EPRS1: variants seen among roughly 807,000 people sequenced by gnomAD.
The protein encoded by EPRS1 is bifunctional glutamate/proline--tRNA ligase.
EPRS1 carries 107 observed loss-of-function variants against 188.3 expected under a neutral mutation model. That is an observed-to-expected ratio of 0.57 (90% CI 0.49 to 0.67). EPRS1 has a LOEUF of 0.67. EPRS1 is among the 30% of genes least tolerant of loss of function. The probability of loss-of-function intolerance (pLI) is 0.00; values close to 1 mark genes in which losing one functional copy is unlikely to be tolerated. For missense variants in EPRS1, 1,577 were observed against 1,802.2 expected, an observed-to-expected ratio of 0.88 and a Z score of 2.26; for synonymous variants, 596 against 593.1, an observed-to-expected ratio of 1.00 and a Z score of -0.07.
intron 6 of EPRS1, among the ~76,000 whole-genome samples, chr1:220,028,270 C>A (rs1229905428): frequency 6.6e-6 from 1 of 152,062 alleles, no homozygotes; most frequent in African/African-American, 2.4e-5. Context: ...AGTTAATGTG[C>A]TTGGCTTTAA....
intron 24 of EPRS1, among the ~76,000 whole-genome samples, 195 bp from the exon 25 acceptor site, chr1:219,981,052 A>G (rs1180712723): frequency 6.6e-6 from 1 of 151,984 alleles, no homozygotes; most frequent in Non-Finnish European, 1.5e-5. Flanking sequence ...GTGCACGCCA[A>G]TGCAGCTGGC....
At chr1:220,008,521 A>G (rs1475069363) in intron 13 of EPRS1, among the ~76,000 whole-genome samples, 1 of 152,184 alleles carries the variant, frequency 6.6e-6, no homozygotes, top group Admixed American at 6.5e-5. Flanking sequence ...AACAGATAAC[A>G]TACTAAGCTC....
intron 24 of EPRS1, among the ~76,000 whole-genome samples, chr1:219,981,081 T>C (rs749506327): frequency 6.6e-6 from 1 of 152,006 alleles, no homozygotes. Flanking sequence ...GCATTTTTAG[T>C]AGAGATGTGG....
chr1:219,980,308 G>T, intron 25 of EPRS1, 68 bp from the exon 26 acceptor site: 2 of 1,230,016 alleles, frequency 1.6e-6, no homozygotes, highest in Admixed American at 1.9e-5. Flanking sequence ...CTATAAAACT[G>T]CACTACTTAA....
intron 28 of EPRS1, among the ~76,000 whole-genome samples, chr1:219,975,071 A>C (rs1413939523): frequency 2.0e-5 from 3 of 152,230 alleles, no homozygotes; most frequent in Non-Finnish European, 4.4e-5. Flanking sequence ...TGAAAGTCTG[A>C]GGAACTACTT....
At chr1:220,003,260 C>T (rs1334273729) in intron 16 of EPRS1, among the ~76,000 whole-genome samples, 1 of 152,144 alleles carries the variant, frequency 6.6e-6, no homozygotes, top group Non-Finnish European at 1.5e-5. Context: ...TACATTTGTA[C>T]ATCTGCTTGA....
At position 219,982,912 on chromosome 1, in the gene EPRS1, G is replaced by A. The variant is rs1660927274; in HGVS notation, c.3301-68C>T. On this transcript the variant is annotated intron_variant, in intron 22 of 31. Coordinates refer to ENST00000366923, the MANE Select transcript of EPRS1 (RefSeq NM_004446.3). ...ATTTTGGAGCAACAGTACAAATGCA[G>A]GCAAATTTCCTCTGTTTTAATTTTT... 3 of 1,366,972 alleles carry A rather than the reference G, an allele frequency of 2.2e-6. No homozygotes were observed. The Admixed American group carries it at 5.1e-5, about 23-fold the overall frequency. 84.7% of individuals were successfully genotyped at this position (1,366,972 alleles called of 1,614,324 possible). A position where few individuals can be genotyped will look rare whatever the true frequency, so the allele number is the denominator to read the frequency against.
intron 6 of EPRS1, among the ~76,000 whole-genome samples, chr1:220,025,582 G>A (rs1238393089): frequency 1.3e-5 from 2 of 152,044 alleles, no homozygotes; most frequent in South Asian, 4.2e-4. Context: ...TTTAATTAAA[G>A]TAAAGCTGCT....
At chr1:219,981,310 T>C (rs1430214748) in intron 24 of EPRS1, 68 bp downstream of exon 24, 68 of 1,028,630 alleles carry the variant, frequency 6.6e-5, no homozygotes, top group Non-Finnish European at 9.1e-5. Flanking sequence ...AAAAACAAAA[T>C]GTGCTTTAAA....
intron 20 of EPRS1, among the ~76,000 whole-genome samples, chr1:219,985,062 A>AG (rs1660980933): frequency 6.6e-6 from 1 of 151,724 alleles, no homozygotes; most frequent in African/African-American, 2.4e-5. Flanking sequence ...AAAAAAAAAA[A>AG]AAAGAAAGAA....
At chr1:219,973,658 C>T (rs923005305) in intron 28 of EPRS1, among the ~76,000 whole-genome samples, 1 of 151,822 alleles carries the variant, frequency 6.6e-6, no homozygotes, top group East Asian at 1.9e-4. Context: ...GTTTCTAGAC[C>T]AGCATTCCCA....
chr1:220,014,494 G>A (rs1436449156), intron 12 of EPRS1, among the ~76,000 whole-genome samples: 1 of 152,122 alleles, frequency 6.6e-6, no homozygotes, highest in Admixed American at 6.5e-5. Flanking sequence ...GCAGATACCA[G>A]AAAGAGCCAA....
At position 220,006,198 on chromosome 1, in the gene EPRS1, G is replaced by A. The variant is rs767745038; in HGVS notation, c.1858C>T (p.Pro620Ser). The change falls in exon 15 of 32, where the codon CCA (proline) becomes TCA (serine). Residue 620 changes from proline to serine, a missense_variant. Transcript: ENST00000366923. The stretch of plus-strand genomic sequence containing the variant: ...TGCTCATAAGTGACACAGATTACTG[G>A]AATAGGAAGAGCATGTGTAGTCTCT... Reference protein sequence around the residue: ...LAETTHALPIPVICVTYEHLI... With the variant: ...LAETTHALPISVICVTYEHLI... 1 of 1,605,998 alleles carries A rather than the reference G, an allele frequency of 6.2e-7. No individual in the cohort carries two copies. Among genetic ancestry groups the A allele is most frequent in the East Asian group, 2.2e-5 (1 of 44,568 alleles).
At chr1:220,005,390 T>C in intron 15 of EPRS1, 30 bp from the exon 16 acceptor site, 1 of 1,115,718 alleles carries the variant, frequency 9.0e-7, no homozygotes, top group Non-Finnish European at 1.3e-6. Flanking sequence ...CAAAGTACAC[T>C]TTCTCAAAAT....
At chr1:220,006,037 T>C (rs551522237) in intron 15 of EPRS1, 69 bp downstream of exon 15, 11 of 883,942 alleles carry the variant, frequency 1.2e-5, no homozygotes, top group African/African-American at 3.4e-5. Flanking sequence ...ATCCGAAATA[T>C]ATAAAATTAA....
chr1:219,977,369 G>C (rs1660800597), intron 28 of EPRS1, among the ~76,000 whole-genome samples: 2 of 152,094 alleles, frequency 1.3e-5, no homozygotes, highest in Admixed American at 1.3e-4. Flanking sequence ...AGGCTCACTA[G>C]AGTACTAAAA....
intron 18 of EPRS1, among the ~76,000 whole-genome samples, chr1:219,993,967 G>A (rs1661174325): frequency 6.6e-6 from 1 of 152,196 alleles, no homozygotes; most frequent in African/African-American, 2.4e-5. Context: ...CAGGCTAAAT[G>A]CGTTCCATTC....
rs116993639 is a variant in EPRS1 at position 220,037,977 on chromosome 1, G to A, written c.131+2208C>T. 3.5e-4 allele frequency among the ~76,000 whole-genome samples: 54 copies of A among 152,172 alleles called. 1 individual carries two copies. The East Asian group carries it at 0.01, about 29-fold the overall frequency. On this transcript the variant is annotated intron_variant, in intron 2 of 31. Coordinates refer to ENST00000366923, the MANE Select transcript of EPRS1 (RefSeq NM_004446.3). ...AGAATGGTAATCAAATGACAATTATGGTACAACTACACTGGGAGAAAGGGG... is the reference window on the plus strand; with the variant it reads ...AGAATGGTAATCAAATGACAATTATAGTACAACTACACTGGGAGAAAGGGG...
rs1320387463 is a variant in EPRS1 at position 219,979,428 on chromosome 1, G to A, written c.3899C>T (p.Ala1300Val). Residue 1300 changes from alanine to valine, a missense_variant, in exon 27 of 32, where the codon GCA (alanine) becomes GTA (valine). Coordinates refer to ENST00000366923, the MANE Select transcript of EPRS1 (RefSeq NM_004446.3). ...GAATATTTTCCTTACCTGAACACATGCTACACGGGGTGGTAATACTAAACC... is the reference window on the plus strand; with the variant it reads ...GAATATTTTCCTTACCTGAACACATACTACACGGGGTGGTAATACTAAACC... ...NMGLVLPPRV[A>V]CVQVVIIPCG... The A allele has an allele frequency of 1.9e-6, 3 of 1,611,038 alleles. No homozygotes were observed. The East Asian group carries it at 6.7e-5, about 36-fold the overall frequency.
Sources: gnomAD v4.1 joint callset for allele counts (sites outside exome capture counted in the v4.1 genomes callset) on GRCh38, gnomAD v4.1.1 for gene constraint, MANE v1.5 for transcripts, NCBI Gene and HGNC (gene_info 2026-07-23, HGNC 2026-07-21) for gene names.